The following ENPP6 variants were observed in gnomAD, a reference collection of about 807,000 sequenced individuals.
ENPP6 encodes glycerophosphocholine cholinephosphodiesterase ENPP6.
A neutral mutation model predicts 42.0 loss-of-function variants in ENPP6; 32 were observed. The ratio of observed to expected loss-of-function variants is 0.76; its 90% CI spans 0.58 to 1.02. ENPP6 has a LOEUF of 1.02. Ranked by LOEUF, ENPP6 falls within the 50% of genes least tolerant of loss-of-function variation. The pLI is 0.00. For synonymous variants in ENPP6, 213 were observed against 216.0 expected, an observed-to-expected ratio of 0.99 and a Z score of 0.12; for missense variants, 552 against 566.8, an observed-to-expected ratio of 0.97 and a Z score of 0.27.
intron 1 of ENPP6, among the ~76,000 whole-genome samples, chr4:184,203,118 G>T (rs1380353260): frequency 6.6e-6 from 1 of 151,758 alleles, no homozygotes; most frequent in African/African-American, 2.4e-5. Flanking sequence ...AAGTGTGGGG[G>T]CAGGTGCCTG....
intron 2 of ENPP6, among the ~76,000 whole-genome samples, chr4:184,131,263 C>CCTT (rs1736624911): frequency 7.0e-5 from 5 of 71,824 alleles, no homozygotes; most frequent in East Asian, 3.7e-4. Flanking sequence ...TCTTTCTCTT[C>CCTT]CTTCCTTCCT....
chr4:184,217,775 G>A lies in ENPP6; in HGVS notation c.45C>T (p.Gly15=). ...GGCGGGCAGAGGCTGGCTGGGCCAG[G>A]CCCAGGGCAAGGGCCAGCAGGAGGG... ...LGTLLLALAL[G]LAQPASARRK... Residue 15 remains glycine, a synonymous_variant, in exon 1 of 8, where the codon GGC becomes GGT. Transcript: ENST00000296741. 1 of 1,613,944 alleles carries A rather than the reference G, an allele frequency of 6.2e-7. No homozygotes were observed. The highest frequency in any genetic ancestry group is 8.5e-7 in the Non-Finnish European group (1 of 1,180,026).
chr4:184,112,706 G>A lies in ENPP6; in HGVS notation c.959C>T (p.Thr320Ile). 1.9e-6 allele frequency: 3 copies of A among 1,614,132 alleles called. No individual in the cohort carries two copies. The highest frequency in any genetic ancestry group is 2.5e-6 in the Non-Finnish European group (3 of 1,180,026). The change falls in exon 6 of 8, where the codon ACT becomes ATT. Residue 320 changes from threonine to isoleucine, a missense_variant. Around this residue, in one of 2 missense-constraint regions of ENPP6, gnomAD observed 545 missense variants for 546.3 expected, o/e 1.00. Coordinates refer to ENST00000296741, the MANE Select transcript of ENPP6 (RefSeq NM_153343.4). ...GAACCAGCCTTCATCAGCCACTAAA[G>A]TCAAAGGAGAGACAAACTTTCCTTT... ...YKKGKFVSPL[T>I]LVADEGWFIT...
At chr4:184,183,241 A>G (rs1487459778) in intron 1 of ENPP6, among the ~76,000 whole-genome samples, 2 of 152,256 alleles carry the variant, frequency 1.3e-5, no homozygotes, top group Non-Finnish European at 2.9e-5. Context: ...TGAATAGAAC[A>G]TAATCAGATA....
At chr4:184,154,218 T>C (rs779169141) in intron 1 of ENPP6, among the ~76,000 whole-genome samples, 1 of 152,184 alleles carries the variant, frequency 6.6e-6, no homozygotes, top group Non-Finnish European at 1.5e-5. Flanking sequence ...ATAAAACCTA[T>C]GACGTTTGGA....
At chr4:184,164,601 G>A (rs1286075890) in intron 1 of ENPP6, among the ~76,000 whole-genome samples, 3 of 152,098 alleles carry the variant, frequency 2.0e-5, no homozygotes, top group Non-Finnish European at 4.4e-5. Flanking sequence ...TTTTCAGAGG[G>A]AGCACGCCCC....
In ENPP6 at chr4:184,217,664, C is replaced by A; in HGVS notation, c.156G>T (p.Glu52Asp). 1 of 1,614,238 alleles carries A rather than the reference C, an allele frequency of 6.2e-7. No individual in the cohort carries two copies. Among genetic ancestry groups the A allele is most frequent in the Non-Finnish European group, 8.5e-7 (1 of 1,180,052 alleles). Residue 52 changes from glutamate (E) to aspartate (D), a missense_variant, in exon 1 of 8, where the codon GAG becomes GAT. Physicochemically the swap from Glu to Asp is conservative, Grantham distance 45. Transcript: ENST00000296741. The stretch of plus-strand genomic sequence containing the variant: ...CCACTTTTACTCCCCTGCTCACAAT[C>A]TCTTTGAAACCAGGCAATGACTCCA... ...EALESLPGFK[E>D]IVSRGVKVDY...
intron 3 of ENPP6, among the ~76,000 whole-genome samples, chr4:184,118,406 G>A (rs1236920182): frequency 6.6e-6 from 1 of 152,182 alleles, no homozygotes; most frequent in Non-Finnish European, 1.5e-5. Context: ...GTCTCTTCAT[G>A]TTAGATACCT....
chr4:184,152,459 C>G (rs887157862), intron 2 of ENPP6, among the ~76,000 whole-genome samples: 2 of 152,148 alleles, frequency 1.3e-5, no homozygotes, highest in African/African-American at 2.4e-5. Flanking sequence ...ACCAGTTCGA[C>G]CCCCTCAGCC....
intron 1 of ENPP6, among the ~76,000 whole-genome samples, chr4:184,207,822 A>G (rs547113592): frequency 5.3e-5 from 8 of 152,148 alleles, no homozygotes; most frequent in Non-Finnish European, 1.0e-4. Context: ...CAACAACAGC[A>G]ACTTATTTGT....
intron 6 of ENPP6, among the ~76,000 whole-genome samples, chr4:184,097,862 A>G (rs1242993612): frequency 2.0e-5 from 3 of 152,130 alleles, no homozygotes; most frequent in Non-Finnish European, 4.4e-5. Flanking sequence ...AGACAGCTTC[A>G]GGGTGGGGAC....
chr4:184,118,749 C>T (rs1448223279), intron 3 of ENPP6, among the ~76,000 whole-genome samples: 1 of 152,186 alleles, frequency 6.6e-6, no homozygotes, highest in Non-Finnish European at 1.5e-5. Flanking sequence ...CAGGTCAGCT[C>T]ATTTGCAATG....
chr4:184,137,291 T>C (rs1230683263), intron 2 of ENPP6, among the ~76,000 whole-genome samples: 1 of 152,108 alleles, frequency 6.6e-6, no homozygotes, highest in African/African-American at 2.4e-5. Flanking sequence ...GAGATGGAGT[T>C]TCACCATGTT....
intron 1 of ENPP6, among the ~76,000 whole-genome samples, chr4:184,154,221 C>G (rs1272599886): frequency 6.6e-6 from 1 of 152,158 alleles, no homozygotes. Flanking sequence ...AAACCTATGA[C>G]GTTTGGAACA....
intron 1 of ENPP6, among the ~76,000 whole-genome samples, chr4:184,196,343 T>C (rs1732801341): frequency 6.6e-6 from 1 of 152,236 alleles, no homozygotes; most frequent in Admixed American, 6.5e-5. Flanking sequence ...TTCAACTTTA[T>C]TCAAGCTTGT....
intron 2 of ENPP6, among the ~76,000 whole-genome samples, chr4:184,131,216 CTT>C (rs1193387718): frequency 1.5e-4 from 13 of 85,492 alleles, no homozygotes; most frequent in African/African-American, 4.7e-4. Context: ...TTCTTTCTTT[CTT>C]TTTCTTTCTT....
chr4:184,119,312 GGTGTGTGTGTGTGTGTGTGTGTGTGTGT>G lies in ENPP6; in HGVS notation c.534-1440_534-1413del, dbSNP rs6148837. ...ATCATTCTCCATCCTTCTGTTTCTTGGTGTGTGTGTGTGTGTGTGTGTGTGTGTGTGTGTGTGTGTGTGTGTGTGTGTG... is the reference window on the plus strand; with the variant it reads ...ATCATTCTCCATCCTTCTGTTTCTTGGTGTGTGTGTGTGTGTGTGTGTGTG... On this transcript the variant is annotated intron_variant, in intron 3 of 7. Coordinates refer to ENST00000296741, the MANE Select transcript of ENPP6 (RefSeq NM_153343.4). Among the ~76,000 whole-genome samples, 343 of 144,150 alleles carry G rather than the reference GGTGTGTGTGTGTGTGTGTGTGTGTGTGT, an allele frequency of 2.4e-3. 2 individuals are homozygous for G. Among genetic ancestry groups the G allele is most frequent in the Admixed American group, 5.2e-3 (75 of 14,466 alleles). The allele number at this position is 144,150 out of a possible 152,430, so 94.6% of individuals were successfully genotyped here.
At chr4:184,114,999 A>G (rs1283352730) in intron 5 of ENPP6, among the ~76,000 whole-genome samples, 1 of 152,040 alleles carries the variant, frequency 6.6e-6, no homozygotes, top group Non-Finnish European at 1.5e-5. Context: ...CTCAACCCCA[A>G]ACAGACAGAT....
At chr4:184,110,409 G>A (rs1426309224) in intron 6 of ENPP6, among the ~76,000 whole-genome samples, 2 of 152,178 alleles carry the variant, frequency 1.3e-5, no homozygotes, top group African/African-American at 2.4e-5. Flanking sequence ...TATGCACCAA[G>A]GCTCCTCATG....
Sources: gnomAD v4.1 joint callset for allele counts (sites outside exome capture counted in the v4.1 genomes callset) on GRCh38, gnomAD v4.1.1 for gene constraint, gnomAD v4.1.1 regional missense constraint, MANE v1.5 for transcripts, NCBI Gene and HGNC (gene_info 2026-07-23, HGNC 2026-07-21) for gene names.